Variants in DOCK5 observed in about 807,000 individuals in gnomAD.
DOCK5 encodes dedicator of cytokinesis protein 5.
Under a neutral mutation model 251.8 loss-of-function variants are expected in DOCK5, and 142 were observed. The observed-to-expected ratio is 0.56, with a 90% CI of 0.49 to 0.65. The LOEUF (loss-of-function observed/expected upper bound fraction) is 0.65. DOCK5 is among the 30% of genes least tolerant of loss of function. The pLI is 0.00. For missense variants in DOCK5, 2,111 were observed against 2,312.3 expected (o/e 0.91, Z 1.79); for synonymous variants, 842 against 835.5 (o/e 1.01, Z -0.13).
At chr8:25,381,353 G>A (rs780501262) in intron 39 of DOCK5, among the ~76,000 whole-genome samples, 12 of 152,092 alleles carry the variant, frequency 7.9e-5, no homozygotes, top group African/African-American at 1.7e-4. Context: ...GGCTGGGCAC[G>A]GTGGCTCATA....
chr8:25,330,886 T>C (rs1805666145), intron 18 of DOCK5, among the ~76,000 whole-genome samples: 2 of 152,078 alleles, frequency 1.3e-5, no homozygotes, highest in Admixed American at 6.6e-5. Flanking sequence ...AAGACCAGCC[T>C]GGGCAACATG....
chr8:25,414,626 A>T lies in DOCK5; in HGVS notation c.*3328A>T, dbSNP rs1217901556. ...GAACTCATGTATAGTTAAGTGCACA[A>T]ATCTTAGCCGTGCAGATGGGTAATT... On this transcript the variant is annotated 3_prime_UTR_variant, in exon 52 of 52. Coordinates refer to ENST00000276440, the MANE Select transcript of DOCK5 (RefSeq NM_024940.8). 6.6e-6 allele frequency: 1 copy of T among 152,152 alleles called. No individual in the cohort carries two copies. The highest frequency in any genetic ancestry group is 2.4e-5 in the African/African-American group (1 of 41,432). The allele number at this position is 152,152 out of a possible 1,614,324, so 9.4% of individuals were successfully genotyped here.
At chr8:25,233,739 T>G (rs1563318055) in intron 1 of DOCK5, among the ~76,000 whole-genome samples, 1 of 152,046 alleles carries the variant, frequency 6.6e-6, no homozygotes, top group Non-Finnish European at 1.5e-5. Context: ...TCTAGATATT[T>G]TTTAGTGCTT....
At chr8:25,380,482 A>C in intron 39 of DOCK5, 88 bp downstream of exon 39, 1 of 1,124,444 alleles carries the variant, frequency 8.9e-7, no homozygotes, top group Admixed American at 2.3e-5. Context: ...GAAAGTCAGG[A>C]TGAATGGTGT....
chr8:25,187,365 TG>T (rs946576988), intron 1 of DOCK5, among the ~76,000 whole-genome samples: 7 of 79,544 alleles, frequency 8.8e-5, no homozygotes, highest in Admixed American at 2.4e-4. Flanking sequence ...GGGTGGAAAT[TG>T]TGTGTGTGTG....
At chr8:25,403,835 T>G (rs1383592656) in intron 48 of DOCK5, 111 bp downstream of exon 48, 1 of 1,124,558 alleles carries the variant, frequency 8.9e-7, no homozygotes, top group Admixed American at 2.7e-5. Flanking sequence ...TCATTCTCAT[T>G]GTCTTCCTCA....
chr8:25,295,295 A>T (rs1443432133), intron 6 of DOCK5, among the ~76,000 whole-genome samples: 2 of 151,560 alleles, frequency 1.3e-5, no homozygotes, highest in East Asian at 3.9e-4. Context: ...TTTTTTAATT[A>T]GCTGAGCATG....
chr8:25,395,602 C>A lies in DOCK5; in HGVS notation c.4587C>A (p.Ile1529=). 1.2e-6 allele frequency: 2 copies of A among 1,613,790 alleles called. No homozygotes were observed. The highest frequency in any genetic ancestry group is 1.7e-6 in the Non-Finnish European group (2 of 1,179,838). ...IETMELTNER[I]SNCVQQHAWD... ...CCATGGAGCTGACCAACGAGAGGAT[C>A]AGCAACTGTGTTCAGCAGCATGCCT... The change falls in exon 45 of 52, where the codon ATC becomes ATA. Residue 1529 remains isoleucine, a synonymous_variant. Transcript: ENST00000276440.
intron 1 of DOCK5, among the ~76,000 whole-genome samples, chr8:25,195,437 G>A (rs550728241): frequency 2.6e-4 from 39 of 152,190 alleles, no homozygotes; most frequent in African/African-American, 8.9e-4. Context: ...CCACCTCCCT[G>A]CTTCCACCTT....
In DOCK5 at chr8:25,346,716, C is replaced by T. The variant is rs535358379; in HGVS notation, c.2754+1105C>T. The stretch of plus-strand genomic sequence containing the variant: ...GCACGCGCCTATAGTCCCAGCTACT[C>T]GGGAGGCCGAGGCAGGAGAATCCCT... On this transcript the variant is annotated intron_variant, in intron 26 of 51. Coordinates refer to ENST00000276440, the MANE Select transcript of DOCK5 (RefSeq NM_024940.8). Among the ~76,000 whole-genome samples the T allele has an allele frequency of 3.0e-4, 44 of 147,730 alleles. 6 individuals carry two copies. Among genetic ancestry groups the T allele is most frequent in the East Asian group, 1.0e-3 (5 of 4,934 alleles).
intron 40 of DOCK5, among the ~76,000 whole-genome samples, chr8:25,385,028 G>T (rs886461723): frequency 2.6e-5 from 4 of 152,192 alleles, no homozygotes; most frequent in African/African-American, 9.6e-5. Flanking sequence ...GGTAAAGGGG[G>T]TAGGAATAAG....
Position 25,411,481 on chromosome 8 carries a change from C to A in DOCK5, c.*183C>A. 1 of 810,418 alleles carries A rather than the reference C, an allele frequency of 1.2e-6. No individual in the cohort carries two copies. The highest frequency in any genetic ancestry group is 1.7e-6 in the Non-Finnish European group (1 of 588,194). The allele number at this position is 810,418 out of a possible 1,614,324, so 50.2% of individuals were successfully genotyped here. ...GCTTCTCTTTGATAGAATTTTGAGG[C>A]CATGCCACCTCCCTTCCAGTCCACA... On this transcript the variant is annotated 3_prime_UTR_variant, in exon 52 of 52. Transcript: ENST00000276440.
chr8:25,283,400 G>A (rs1181668325), intron 5 of DOCK5, among the ~76,000 whole-genome samples: 1 of 152,126 alleles, frequency 6.6e-6, no homozygotes, highest in South Asian at 2.1e-4. Context: ...CAAGTCACTT[G>A]AACACTTCAA....
intron 16 of DOCK5, 81 bp from the exon 17 acceptor site, chr8:25,323,767 A>G (rs1004571106): frequency 1.3e-6 from 2 of 1,488,796 alleles, no homozygotes; most frequent in Non-Finnish European, 1.8e-6. Context: ...TGCACCCCCG[A>G]GCAAAATGTG....
At chr8:25,375,584 G>A (rs147592590) in intron 37 of DOCK5, 19 of 671,880 alleles carry the variant, frequency 2.8e-5, no homozygotes, top group East Asian at 2.7e-4. Flanking sequence ...GGTCCATCCC[G>A]TAAGCATGTC....
chr8:25,212,528 G>A lies in DOCK5; in HGVS notation c.43+27577G>A. On this transcript the variant is annotated intron_variant, in intron 1 of 51. Coordinates refer to ENST00000276440, the MANE Select transcript of DOCK5 (RefSeq NM_024940.8). ...GTATACACAAAAGTCAAATTATGTT[G>A]AGTCTTCATTATGTGGGTACCACCT... Among the ~76,000 whole-genome samples the A allele has an allele frequency of 2.8e-5, 2 of 70,672 alleles. 1 individual carries two copies. Among genetic ancestry groups the A allele is most frequent in the East Asian group, 6.3e-4 (2 of 3,200 alleles). 46.4% of individuals were successfully genotyped at this position (70,672 alleles called of 152,430 possible).
chr8:25,401,094 C>T (rs368403081), intron 47 of DOCK5, 28 bp downstream of exon 47: 91 of 1,610,784 alleles, frequency 5.6e-5, no homozygotes, highest in Non-Finnish European at 7.4e-5. Context: ...AGCCTTCACA[C>T]CTTTTTCTAG....
chr8:25,213,596 G>A (rs1394506700), intron 1 of DOCK5, among the ~76,000 whole-genome samples: 1 of 152,058 alleles, frequency 6.6e-6, no homozygotes, highest in African/African-American at 2.4e-5. Context: ...CTACATCAGG[G>A]TTTAATTAGC....
rs193230791 is a variant in DOCK5, at chr8:25,296,414, C to G, written c.471-99C>G. 4.8e-3 allele frequency: 6,982 copies of G among 1,464,696 alleles called. 20 individuals carry two copies. Among genetic ancestry groups the G allele is most frequent in the Non-Finnish European group, 5.6e-3 (6,171 of 1,092,594 alleles). 90.7% of individuals were successfully genotyped at this position (1,464,696 alleles called of 1,614,324 possible). ...TTCCCTGGGCTTGTCCAGCATCTCC[C>G]TTTCTAACTATGGATCCTCTGGGCT... On this transcript the variant is annotated intron_variant, in intron 6 of 51. Transcript: ENST00000276440.
Sources: allele counts gnomAD v4.1 joint callset (sites outside exome capture counted in the v4.1 genomes callset), GRCh38; gene constraint gnomAD v4.1.1; transcripts MANE v1.5; gene names NCBI Gene and HGNC (gene_info 2026-07-23, HGNC 2026-07-21).